Variants in NEGR1 observed in about 807,000 individuals in gnomAD.
NEGR1 encodes neuronal growth regulator 1.
NEGR1 carries 10 observed loss-of-function variants against 40.9 expected under a neutral mutation model. That is an observed-to-expected ratio of 0.24 (90% confidence interval 0.15 to 0.42). The LOEUF is 0.42. Ranked by LOEUF, NEGR1 falls within the 10% of genes least tolerant of loss-of-function variation. The pLI is 1.00. For missense variants in NEGR1, 352 were observed against 438.9 expected (o/e 0.80, Z 1.77); for synonymous variants, 185 against 166.8 (o/e 1.11, Z -0.84).
intron 2 of NEGR1, among the ~76,000 whole-genome samples, chr1:71,780,067 A>G (rs1351482127): frequency 6.7e-6 from 1 of 148,360 alleles, no homozygotes; most frequent in Non-Finnish European, 1.5e-5. Context: ...AAAAAAAAAA[A>G]AAAAGAAAAA....
At chr1:72,247,627 T>C (rs1427763500) in intron 1 of NEGR1, among the ~76,000 whole-genome samples, 1 of 152,184 alleles carries the variant, frequency 6.6e-6, no homozygotes, top group Non-Finnish European at 1.5e-5. Flanking sequence ...TGTCCATATT[T>C]CTATCAGCAT....
chr1:71,581,698 A>ATT lies in NEGR1; in HGVS notation c.940+11117_940+11118dup, dbSNP rs34224525. Among the ~76,000 whole-genome samples, 943 of 143,250 alleles carry ATT rather than the reference A, an allele frequency of 6.6e-3. 3 individuals carry two copies. The highest frequency in any genetic ancestry group is 0.018 in the Middle Eastern group (5 of 274). The allele number at this position is 143,250 out of a possible 152,430, so 94.0% of individuals were successfully genotyped here. ...CTATTTGTAAGTCTCATTATACACA[A>ATT]TTTTTTTTTTTTTTTTAAATTTGAG... On this transcript the variant is annotated intron_variant, in intron 6 of 6. Coordinates refer to ENST00000357731, the MANE Select transcript of NEGR1 (RefSeq NM_173808.3).
intron 3 of NEGR1, among the ~76,000 whole-genome samples, chr1:71,763,261 C>T (rs1656009897): frequency 6.6e-6 from 1 of 152,082 alleles, no homozygotes; most frequent in Non-Finnish European, 1.5e-5. Flanking sequence ...CCTCCTTCCA[C>T]AGTTACATAG....
intron 2 of NEGR1, among the ~76,000 whole-genome samples, chr1:71,903,827 T>C (rs1167347155): frequency 1.3e-5 from 2 of 151,152 alleles, no homozygotes; most frequent in African/African-American, 2.4e-5. Context: ...CTCTCTATTA[T>C]ATATATATAT....
chr1:72,252,976 T>C (rs2100533095), intron 1 of NEGR1, among the ~76,000 whole-genome samples: 1 of 152,340 alleles, frequency 6.6e-6, no homozygotes, highest in African/African-American at 2.4e-5. Flanking sequence ...GTTTTGTTGG[T>C]GCTGCTGCTG....
At chr1:71,910,383 A>G (rs1241030586) in intron 2 of NEGR1, among the ~76,000 whole-genome samples, 3 of 152,212 alleles carry the variant, frequency 2.0e-5, no homozygotes, top group African/African-American at 4.8e-5. Context: ...TGGATACCTA[A>G]TAAGTACCAA....
At chr1:72,082,048 C>T (rs1412668705) in intron 1 of NEGR1, among the ~76,000 whole-genome samples, 1 of 152,100 alleles carries the variant, frequency 6.6e-6, no homozygotes, top group Admixed American at 6.6e-5. Flanking sequence ...TGGTCCATTT[C>T]TCAATTTGAC....
intron 2 of NEGR1, among the ~76,000 whole-genome samples, chr1:71,926,444 C>T (rs1348526220): frequency 6.6e-6 from 1 of 152,000 alleles, no homozygotes; most frequent in Non-Finnish European, 1.5e-5. Context: ...ACCACCCTCT[C>T]AACATATTAT....
intron 1 of NEGR1, among the ~76,000 whole-genome samples, chr1:72,139,900 C>T (rs1296919817): frequency 6.6e-6 from 1 of 152,054 alleles, no homozygotes; most frequent in Non-Finnish European, 1.5e-5. Context: ...CTTTTGACAA[C>T]AGCCAGGTGT....
At chr1:72,189,618 G>A (rs1652744470) in intron 1 of NEGR1, among the ~76,000 whole-genome samples, 2 of 151,448 alleles carry the variant, frequency 1.3e-5, no homozygotes, top group African/African-American at 2.4e-5. Flanking sequence ...TCCAAAGTAG[G>A]CCCTTAGAAA....
intron 1 of NEGR1, among the ~76,000 whole-genome samples, chr1:72,200,473 C>G (rs1031604830): frequency 6.6e-6 from 1 of 151,850 alleles, no homozygotes; most frequent in Non-Finnish European, 1.5e-5. Flanking sequence ...ATTGAATACA[C>G]ATGGACACAA....
intron 1 of NEGR1, among the ~76,000 whole-genome samples, chr1:71,995,648 A>G (rs189546676): frequency 3.7e-4 from 57 of 152,294 alleles, no homozygotes; most frequent in African/African-American, 1.1e-3. Flanking sequence ...ATTTTACAAC[A>G]TCACTCAGGC....
chr1:71,645,607 G>A (rs894348367), intron 4 of NEGR1, among the ~76,000 whole-genome samples: 19 of 151,734 alleles, frequency 1.3e-4, no homozygotes, highest in Admixed American at 4.6e-4. Context: ...GCCTTTTTAT[G>A]TTTTTAAAAT....
rs11209882 is a variant in NEGR1, at chr1:71,993,489, A to C, written c.177-58178T>G. ...GTTGACAAAATTTACTCGTTAAAAT[A>C]ATGGAAACTCTAAGGCTCAAATCTC... On this transcript the variant is annotated intron_variant, in intron 1 of 6. Coordinates refer to ENST00000357731, the MANE Select transcript of NEGR1 (RefSeq NM_173808.3). 4.9e-3 allele frequency among the ~76,000 whole-genome samples: 751 copies of C among 152,316 alleles called. 6 individuals carry two copies. Among genetic ancestry groups the C allele is most frequent in the African/African-American group, 0.017 (725 of 41,566 alleles).
At chr1:71,988,623 G>T (rs1646422978) in intron 1 of NEGR1, among the ~76,000 whole-genome samples, 1 of 150,290 alleles carries the variant, frequency 6.7e-6, no homozygotes, top group South Asian at 2.1e-4. Context: ...TTCAGGTGAG[G>T]AAAACATAAA....
chr1:72,252,500 T>G (rs2100532297), intron 1 of NEGR1, among the ~76,000 whole-genome samples: 1 of 152,344 alleles, frequency 6.6e-6, no homozygotes, highest in Non-Finnish European at 1.5e-5. Context: ...AAATTTGGTT[T>G]GATAAACTCA....
chr1:72,124,230 T>A (rs1470798825), intron 1 of NEGR1, among the ~76,000 whole-genome samples: 1 of 151,968 alleles, frequency 6.6e-6, no homozygotes, highest in Non-Finnish European at 1.5e-5. Context: ...CATGACCCTC[T>A]CCAGTCCTAA....
At chr1:72,091,124 T>A (rs2100544172) in intron 1 of NEGR1, among the ~76,000 whole-genome samples, 1 of 152,218 alleles carries the variant, frequency 6.6e-6, no homozygotes. Flanking sequence ...CCTCTAGACA[T>A]TTAGACTCAT....
intron 2 of NEGR1, among the ~76,000 whole-genome samples, chr1:71,777,354 G>A (rs1053971073): frequency 1.3e-5 from 2 of 152,104 alleles, no homozygotes; most frequent in East Asian, 3.9e-4. Context: ...CCTGACATTA[G>A]TGTTAGTCAT....
Sources: gnomAD v4.1 joint callset for allele counts (sites outside exome capture counted in the v4.1 genomes callset) on GRCh38, gnomAD v4.1.1 for gene constraint, MANE v1.5 for transcripts, NCBI Gene and HGNC (gene_info 2026-07-23, HGNC 2026-07-21) for gene names.